Variants in TALDO1 observed in about 807,000 individuals in gnomAD.
TALDO1 encodes the protein transaldolase.
TALDO1 carries 29 observed loss-of-function variants against 38.1 expected under a neutral mutation model. The observed-to-expected ratio is 0.76, with a 90% CI of 0.57 to 1.04. The LOEUF (loss-of-function observed/expected upper bound fraction) is 1.04, where lower values mean the gene tolerates loss of function less well. Among genes scored for constraint, TALDO1 ranks in the 50% least tolerant of loss-of-function variants. The pLI is 0.00. For missense variants in TALDO1, 499 were observed against 438.1 expected (o/e 1.14, Z -1.24); for synonymous variants, 207 against 176.8 (o/e 1.17, Z -1.36).
Position 764,805 on chromosome 11 carries a change from G to A in TALDO1, c.982-8G>A. ...GGGAGACACAGCTCGTGCTCTGTTT[G>A]TTTCTAGGAACGAATGTTCAATGCA... On this transcript the variant is annotated splice_region_variant and splice_polypyrimidine_tract_variant and intron_variant, in intron 7 of 7. Transcript: ENST00000319006. 1 of 1,614,164 alleles carries A rather than the reference G, an allele frequency of 6.2e-7. No homozygotes were observed. Among genetic ancestry groups the A allele is most frequent in the Non-Finnish European group, 8.5e-7 (1 of 1,180,024 alleles).
intron 4 of TALDO1, among the ~76,000 whole-genome samples, chr11:761,883 CAA>C (rs1684371742): frequency 1.3e-5 from 2 of 152,176 alleles, no homozygotes; most frequent in Non-Finnish European, 2.9e-5. Flanking sequence ...CCCCTGGGCT[CAA>C]GAGATCTCTA....
intron 1 of TALDO1, chr11:752,169 A>G (rs1328746487): frequency 6.6e-6 from 1 of 151,582 alleles, no homozygotes; most frequent in Non-Finnish European, 1.5e-5. Context: ...TTCCGGGTTC[A>G]CGCCATTCTT....
At chr11:755,267 C>T (rs1378261558) in intron 1 of TALDO1, among the ~76,000 whole-genome samples, 1 of 151,742 alleles carries the variant, frequency 6.6e-6, no homozygotes, top group African/African-American at 2.4e-5. Flanking sequence ...GCCTCAGCCT[C>T]CCGAGTAGCT....
At position 747,544 on chromosome 11, in the gene TALDO1, C is replaced by G. The variant is rs749024627; in HGVS notation, c.63C>G (p.Phe21Leu). 2.0e-5 allele frequency: 32 copies of G among 1,596,512 alleles called. No homozygotes were observed. The highest frequency in any genetic ancestry group is 2.6e-5 in the Non-Finnish European group (30 of 1,173,566). The change falls in exon 1 of 8, where the codon TTC (phenylalanine) becomes TTG (leucine). Residue 21 changes from phenylalanine to leucine, a missense_variant. Phe to Leu is a conservative substitution (Grantham distance 22, BLOSUM62 0). Transcript: ENST00000319006. ...MESALDQLKQ[F>L]TTVVADTGDF... ...CCGCGCTGGACCAGCTCAAGCAGTT[C>G]ACCACCGTGGTGGCCGACACGGGCG...
At chr11:758,520 G>GA (rs962568458) in intron 2 of TALDO1, among the ~76,000 whole-genome samples, 59 of 149,236 alleles carry the variant, frequency 4.0e-4, no homozygotes, top group South Asian at 3.6e-3. Context: ...TGTTTTAAGA[G>GA]AAAAAAAAAG....
chr11:750,444 C>T (rs971093327), intron 1 of TALDO1, among the ~76,000 whole-genome samples: 3 of 151,652 alleles, frequency 2.0e-5, no homozygotes, highest in Non-Finnish European at 2.9e-5. Flanking sequence ...GCTGTGACTG[C>T]GCCACTGCAC....
chr11:763,676 A>G (rs1659205990), intron 5 of TALDO1, 71 bp from the exon 6 acceptor site: 3 of 1,583,018 alleles, frequency 1.9e-6, no homozygotes, highest in Non-Finnish European at 2.6e-6. Flanking sequence ...TGCAGCCGGC[A>G]GGCACTGGGA....
chr11:760,082 C>A (rs780875326), intron 3 of TALDO1, 40 bp from the exon 4 acceptor site: 2 of 1,612,340 alleles, frequency 1.2e-6, no homozygotes, highest in Admixed American at 3.3e-5. Context: ...GGTGGGCAAC[C>A]TGCGTGATCT....
intron 1 of TALDO1, among the ~76,000 whole-genome samples, chr11:755,092 T>A (rs974579378): frequency 7.3e-5 from 11 of 151,540 alleles, no homozygotes; most frequent in African/African-American, 2.4e-4. Context: ...AGGTAATAAT[T>A]TTTGGAGCAA....
chr11:756,112 G>A (rs1862833613), intron 2 of TALDO1, 110 bp downstream of exon 2: 8 of 1,451,342 alleles, frequency 5.5e-6, no homozygotes, highest in Admixed American at 2.4e-5. Context: ...AACTCAAGGG[G>A]GGAAAAAAAC....
intron 4 of TALDO1, chr11:760,551 C>T (rs1213943991): frequency 2.4e-6 from 1 of 417,726 alleles, no homozygotes; most frequent in Non-Finnish European, 4.5e-6. Context: ...TCTGTCCTTC[C>T]TCTGTCCTGA....
intron 2 of TALDO1, among the ~76,000 whole-genome samples, chr11:756,512 A>ATTTTTTTTT (rs34721664): frequency 8.7e-6 from 1 of 115,382 alleles, no homozygotes; most frequent in African/African-American, 3.3e-5. Flanking sequence ...TCATTTTTGT[A>ATTTTTTTTT]TTTTTTTTTT....
At chr11:757,914 A>G (rs559536320) in intron 2 of TALDO1, among the ~76,000 whole-genome samples, 1 of 152,188 alleles carries the variant, frequency 6.6e-6, no homozygotes, top group Non-Finnish European at 1.5e-5. Context: ...AGATGGGAGG[A>G]TCCCTTCAGC....
At chr11:763,614 A>T (rs1398180705) in intron 5 of TALDO1, 95 bp downstream of exon 5, 10 of 1,582,028 alleles carry the variant, frequency 6.3e-6, no homozygotes, top group African/African-American at 1.4e-5. Context: ...ATCAACAAGC[A>T]GTGAGGTGCA....
Position 763,447 on chromosome 11 carries a change from T to A in TALDO1, c.565T>A (p.Phe189Ile). Residue 189 changes from phenylalanine to isoleucine, a missense_variant, in exon 5 of 8, where the codon TTT (phenylalanine) becomes ATT (isoleucine). Physicochemically the swap from Phe to Ile is conservative, Grantham distance 21. Transcript: ENST00000319006. The part of the protein sequence containing the change: ...AEAGVTLISP[F>I]VGRILDWHVA... ...GGCGGGTGTGACCCTCATCTCCCCA[T>A]TTGTTGGGCGCATCCTTGATTGGCA... 1 of 1,613,128 alleles carries A rather than the reference T, an allele frequency of 6.2e-7. No homozygotes were observed. The highest frequency in any genetic ancestry group is 8.5e-7 in the Non-Finnish European group (1 of 1,179,796).
chr11:753,614 C>G (rs2133571398), intron 1 of TALDO1, among the ~76,000 whole-genome samples: 1 of 151,522 alleles, frequency 6.6e-6, no homozygotes, highest in East Asian at 1.9e-4. Context: ...ATCCCAGCTA[C>G]TCATGGGGCT....
intron 1 of TALDO1, among the ~76,000 whole-genome samples, chr11:750,869 TG>T (rs1862739549): frequency 6.6e-6 from 1 of 151,842 alleles, no homozygotes; most frequent in Non-Finnish European, 1.5e-5. Flanking sequence ...TCTGGAGCAA[TG>T]GGCCATTCTA....
chr11:761,736 T>C (rs527525119), intron 4 of TALDO1, among the ~76,000 whole-genome samples: 1 of 152,290 alleles, frequency 6.6e-6, no homozygotes, highest in South Asian at 2.1e-4. Flanking sequence ...TGGAGTGCAG[T>C]GGCACGAACT....
At chr11:760,069 CG>C in intron 3 of TALDO1, 52 bp from the exon 4 acceptor site, 1 of 1,610,564 alleles carries the variant, frequency 6.2e-7, no homozygotes, top group South Asian at 1.1e-5. Context: ...GCTTGCTCTG[CG>C]TGGTGGGCAA....
Sources: gnomAD v4.1 joint callset for allele counts (sites outside exome capture counted in the v4.1 genomes callset) on GRCh38, gnomAD v4.1.1 for gene constraint, MANE v1.5 for transcripts, NCBI Gene and HGNC (gene_info 2026-07-23, HGNC 2026-07-21) for gene names.